PRKN: variants seen among roughly 807,000 people sequenced by gnomAD.
PRKN encodes parkin RBR E3 ubiquitin protein ligase.
Under a neutral mutation model 59.5 loss-of-function variants are expected in PRKN, and 56 were observed. The ratio of observed to expected loss-of-function variants is 0.94; its 90% confidence interval spans 0.76 to 1.18. The LOEUF (loss-of-function observed/expected upper bound fraction) is 1.18. Ranked by LOEUF, PRKN falls within the 50% of genes most tolerant of loss-of-function variation. PRKN has a pLI of 0.00. For missense variants in PRKN, 657 were observed against 596.4 expected, an observed-to-expected ratio of 1.10 and a Z score of -1.06; for synonymous variants, 250 against 222.1, an observed-to-expected ratio of 1.13 and a Z score of -1.12.
At chr6:161,733,598 T>C (rs1478420598) in intron 7 of PRKN, among the ~76,000 whole-genome samples, 12 of 151,808 alleles carry the variant, frequency 7.9e-5, no homozygotes. Flanking sequence ...TTGCCCAGAA[T>C]ATAAGACTCG....
chr6:161,787,582 A>G (rs1266320043), intron 6 of PRKN, among the ~76,000 whole-genome samples: 1 of 152,190 alleles, frequency 6.6e-6, no homozygotes, highest in Non-Finnish European at 1.5e-5. Context: ...AGACCTCCCA[A>G]TCTGCTACTA....
intron 6 of PRKN, among the ~76,000 whole-genome samples, chr6:161,968,497 C>T (rs2128250509): frequency 6.6e-6 from 1 of 152,244 alleles, no homozygotes; most frequent in South Asian, 2.1e-4. Flanking sequence ...GTCCCCTTGA[C>T]AAGGAGGGAT....
chr6:162,724,015 A>G (rs1377381138), intron 1 of PRKN, among the ~76,000 whole-genome samples: 2 of 152,204 alleles, frequency 1.3e-5, no homozygotes, highest in African/African-American at 2.4e-5. Context: ...TACTGACAAC[A>G]TTGTTGTATA....
At chr6:161,493,172 T>C (rs1490969567) in intron 9 of PRKN, among the ~76,000 whole-genome samples, 2 of 152,210 alleles carry the variant, frequency 1.3e-5, no homozygotes, top group Non-Finnish European at 2.9e-5. Flanking sequence ...GGGAGGATCA[T>C]AGCCTATTCA....
intron 7 of PRKN, among the ~76,000 whole-genome samples, chr6:161,725,711 A>G (rs1299064984): frequency 6.6e-6 from 1 of 152,222 alleles, no homozygotes; most frequent in East Asian, 1.9e-4. Context: ...AGGAAGATCA[A>G]TTAACTTTAA....
At chr6:161,742,101 C>G (rs540717583) in intron 7 of PRKN, among the ~76,000 whole-genome samples, 3 of 152,242 alleles carry the variant, frequency 2.0e-5, no homozygotes, top group East Asian at 3.9e-4. Context: ...TCCTGAGTAC[C>G]CGGGATTACA....
At chr6:162,653,764 T>A (rs922672479) in intron 1 of PRKN, among the ~76,000 whole-genome samples, 1 of 152,204 alleles carries the variant, frequency 6.6e-6, no homozygotes, top group African/African-American at 2.4e-5. Context: ...TTCTAAAATA[T>A]AAAGCCACAG....
intron 4 of PRKN, among the ~76,000 whole-genome samples, chr6:162,081,812 G>A (rs1464544443): frequency 6.6e-6 from 1 of 152,002 alleles, no homozygotes; most frequent in Non-Finnish European, 1.5e-5. Flanking sequence ...CCAATAGACG[G>A]CTGTGTCATC....
chr6:162,135,384 A>G (rs1434202619), intron 4 of PRKN, among the ~76,000 whole-genome samples: 1 of 152,208 alleles, frequency 6.6e-6, no homozygotes, highest in Non-Finnish European at 1.5e-5. Flanking sequence ...AAAAGAAGTC[A>G]TTGAATATGG....
At chr6:162,580,124 T>C (rs1780731270) in intron 1 of PRKN, among the ~76,000 whole-genome samples, 1 of 152,180 alleles carries the variant, frequency 6.6e-6, no homozygotes, top group Non-Finnish European at 1.5e-5. Context: ...CAAGGAACCA[T>C]GGTATCAGAT....
intron 2 of PRKN, among the ~76,000 whole-genome samples, chr6:162,355,407 C>CTATCTATCTATA (rs1554304030): frequency 3.3e-5 from 5 of 151,292 alleles, no homozygotes; most frequent in African/African-American, 1.2e-4. Context: ...ATCTATCTAT[C>CTATCTATCTATA]TATATATATA....
intron 3 of PRKN, among the ~76,000 whole-genome samples, chr6:162,233,347 C>A (rs1778504457): frequency 6.6e-6 from 1 of 151,974 alleles, no homozygotes; most frequent in African/African-American, 2.4e-5. Flanking sequence ...TGAAAATACA[C>A]CAAGATAATG....
At chr6:161,686,381 T>G (rs1157067336) in intron 7 of PRKN, among the ~76,000 whole-genome samples, 1 of 152,182 alleles carries the variant, frequency 6.6e-6, no homozygotes, top group African/African-American at 2.4e-5. Flanking sequence ...CCCATATGTT[T>G]ACATCCTACT....
At chr6:162,704,555 T>C (rs559950456) in intron 1 of PRKN, among the ~76,000 whole-genome samples, 13 of 152,326 alleles carry the variant, frequency 8.5e-5, no homozygotes, top group African/African-American at 3.1e-4. Flanking sequence ...AAAATGTCTT[T>C]AGCAGAAATG....
At chr6:162,035,149 C>T (rs767471682) in intron 5 of PRKN, among the ~76,000 whole-genome samples, 3 of 125,034 alleles carry the variant, frequency 2.4e-5, no homozygotes, top group Non-Finnish European at 3.2e-5. Context: ...AGGAAAGGGG[C>T]CCAGGCCAGA....
intron 5 of PRKN, among the ~76,000 whole-genome samples, chr6:161,986,989 T>G (rs1409732431): frequency 2.0e-5 from 3 of 152,216 alleles, no homozygotes; most frequent in Non-Finnish European, 1.5e-5. Context: ...ACTTGGAATC[T>G]AAACTTTTTT....
chr6:161,890,059 A>T (rs1157563278), intron 6 of PRKN, among the ~76,000 whole-genome samples: 1 of 152,198 alleles, frequency 6.6e-6, no homozygotes. Context: ...CAGGTCTCGT[A>T]TCAGCTCTCC....
chr6:162,390,120 T>A (rs1787085034), intron 2 of PRKN, among the ~76,000 whole-genome samples: 1 of 152,076 alleles, frequency 6.6e-6, no homozygotes, highest in Admixed American at 6.6e-5. Flanking sequence ...TTCCCGTAAA[T>A]GTTGGAAACT....
chr6:162,162,271 C>T (rs1266124042), intron 4 of PRKN, among the ~76,000 whole-genome samples: 1 of 152,156 alleles, frequency 6.6e-6, no homozygotes, highest in African/African-American at 2.4e-5. Flanking sequence ...CCTGACCTTA[C>T]ATAGCATTTA....
Sources: allele counts gnomAD v4.1 joint callset (sites outside exome capture counted in the v4.1 genomes callset), GRCh38; gene constraint gnomAD v4.1.1; transcripts MANE v1.5; gene names NCBI Gene and HGNC (gene_info 2026-07-23, HGNC 2026-07-21).